CHODL: variants seen among roughly 807,000 people sequenced by gnomAD.
The protein encoded by CHODL is chondrolectin, also known as transmembrane protein MT75.
In CHODL, 29 loss-of-function variants were observed where a neutral mutation model predicts 34.5. The observed-to-expected ratio is 0.84, with a 90% confidence interval of 0.63 to 1.15. The LOEUF (loss-of-function observed/expected upper bound fraction) is 1.15. CHODL is among the 50% of genes most tolerant of loss of function. The probability of loss-of-function intolerance (pLI) is 0.00; values close to 1 mark genes in which losing one functional copy is unlikely to be tolerated. For missense variants in CHODL, 332 were observed against 332.5 expected, an observed-to-expected ratio of 1.00 and a Z score of 0.01; for synonymous variants, 125 against 116.1, an observed-to-expected ratio of 1.08 and a Z score of -0.49.
chr21:18,098,758 A>G (rs191308242), intron 2 of CHODL, among the ~76,000 whole-genome samples: 183 of 152,256 alleles, frequency 1.2e-3, no homozygotes, highest in South Asian at 6.8e-3. Flanking sequence ...CAGTATATCA[A>G]AGAGATATTT....
At chr21:18,111,791 A>G (rs969093908) in intron 2 of CHODL, among the ~76,000 whole-genome samples, 12 of 152,296 alleles carry the variant, frequency 7.9e-5, no homozygotes, top group African/African-American at 2.9e-4. Flanking sequence ...TACCATTGCT[A>G]CCAATATATC....
chr21:17,945,477 A>G (rs1198672599), intron 1 of CHODL, among the ~76,000 whole-genome samples: 1 of 152,232 alleles, frequency 6.6e-6, no homozygotes, highest in Non-Finnish European at 1.5e-5. Flanking sequence ...TATTCAATAG[A>G]AAGTTTAAAC....
At position 17,917,581 on chromosome 21, in the gene CHODL, CCAA is replaced by C. The variant is rs202057101; in HGVS notation, c.-145+182_-145+184del. Among the ~76,000 whole-genome samples, 1,211 of 150,554 alleles carry C rather than the reference CCAA, an allele frequency of 8.0e-3. 17 individuals carry two copies. Among genetic ancestry groups the C allele is most frequent in the African/African-American group, 0.028 (1,115 of 40,306 alleles). On this transcript the variant is annotated intron_variant, in intron 1 of 6. Coordinates refer to the CHODL transcript ENST00000400127. The stretch of plus-strand genomic sequence containing the variant: ...CACTTGGAAGAGATTCATGCCCTAC[CCAA>C]GGTGGGGCCATCTGTAGAGGGATGC...
intron 2 of CHODL, among the ~76,000 whole-genome samples, chr21:18,182,317 A>G (rs2073391446): frequency 6.6e-6 from 1 of 152,236 alleles, no homozygotes; most frequent in Non-Finnish European, 1.5e-5. Flanking sequence ...GTGAAGGCAG[A>G]AGTCAGGGTT....
intron 2 of CHODL, among the ~76,000 whole-genome samples, chr21:18,030,027 C>T (rs901222282): frequency 2.0e-5 from 3 of 152,100 alleles, no homozygotes; most frequent in Non-Finnish European, 4.4e-5. Flanking sequence ...CTGTGGCAGG[C>T]AGGCTCTAAC....
rs139736210 is a variant in CHODL, at chr21:18,191,469, C to G, written c.-44-65040C>G. Among the ~76,000 whole-genome samples the G allele has an allele frequency of 5.9e-3, 905 of 152,316 alleles. 6 individuals are homozygous for G. The highest frequency in any genetic ancestry group is 0.01 in the Non-Finnish European group (713 of 68,030). ...GACCTCAAGTAGCAAGAATCTTGCA[C>G]TTAAAGCTGATAATAGCCATCCTCA... On this transcript the variant is annotated intron_variant, in intron 2 of 6. Coordinates refer to the CHODL transcript ENST00000400127.
intron 1 of CHODL, among the ~76,000 whole-genome samples, chr21:17,923,897 C>A (rs73321540): frequency 0.011 from 1,673 of 152,316 alleles, 23 homozygotes; most frequent in African/African-American, 0.038. Context: ...TTTAAACAAT[C>A]ACTTACTTGA....
chr21:18,263,788 C>T (rs943857713), intron 5 of CHODL, among the ~76,000 whole-genome samples: 1 of 152,030 alleles, frequency 6.6e-6, no homozygotes, highest in African/African-American at 2.4e-5. Context: ...GACCTTACTT[C>T]ATCTTCTTCT....
chr21:18,238,466 G>T (rs2074050498), intron 2 of CHODL, among the ~76,000 whole-genome samples: 1 of 152,028 alleles, frequency 6.6e-6, no homozygotes, highest in South Asian at 2.1e-4. Context: ...AGGACAATAT[G>T]GGGAAAGTGC....
chr21:18,254,615 T>C (rs1435524549), intron 1 of CHODL, among the ~76,000 whole-genome samples: 2 of 152,106 alleles, frequency 1.3e-5, no homozygotes, highest in Non-Finnish European at 2.9e-5. Flanking sequence ...CAAGGGTGAG[T>C]GTAGACAATA....
chr21:18,106,597 A>T (rs1601011003), intron 2 of CHODL, among the ~76,000 whole-genome samples: 1 of 147,152 alleles, frequency 6.8e-6, no homozygotes, highest in Admixed American at 6.9e-5. Flanking sequence ...CTGGGTTCCC[A>T]CCATTCTCCT....
chr21:18,139,625 G>A (rs2072777648), intron 2 of CHODL, among the ~76,000 whole-genome samples: 1 of 152,028 alleles, frequency 6.6e-6, no homozygotes, highest in African/African-American at 2.4e-5. Flanking sequence ...AAATTTAAGA[G>A]CTACTCTCTG....
intron 1 of CHODL, among the ~76,000 whole-genome samples, chr21:18,016,377 G>T (rs528363492): frequency 5.3e-5 from 8 of 152,370 alleles, no homozygotes; most frequent in Admixed American, 5.2e-4. Context: ...GGTCCTGTGG[G>T]TGCGAAGAAG....
At chr21:18,039,894 T>C (rs2064354701) in intron 2 of CHODL, among the ~76,000 whole-genome samples, 1 of 151,824 alleles carries the variant, frequency 6.6e-6, no homozygotes, top group Non-Finnish European at 1.5e-5. Flanking sequence ...AAAAGGAATT[T>C]GACATTTATA....
chr21:18,245,896 G>C, intron 1 of CHODL: 1 of 1,535,332 alleles, frequency 6.5e-7, no homozygotes, highest in Non-Finnish European at 8.7e-7. Context: ...TCCAAGTTGG[G>C]GACTTCCCAG....
At chr21:17,980,669 C>T (rs984904269) in intron 1 of CHODL, among the ~76,000 whole-genome samples, 1 of 152,064 alleles carries the variant, frequency 6.6e-6, no homozygotes, top group African/African-American at 2.4e-5. Flanking sequence ...TTGGGTTTCA[C>T]GGGTACCTGG....
intron 2 of CHODL, among the ~76,000 whole-genome samples, chr21:18,052,624 T>TAAAGC (rs1402913343): frequency 6.6e-6 from 1 of 151,958 alleles, no homozygotes; most frequent in African/African-American, 2.4e-5. Flanking sequence ...ATACTAGGTT[T>TAAAGC]AAAGCAGATT....
In CHODL at chr21:18,215,607, T is replaced by C. The variant is rs370927946; in HGVS notation, c.-44-40902T>C. Among the ~76,000 whole-genome samples, 23 of 152,316 alleles carry C rather than the reference T, an allele frequency of 1.5e-4. 1 individual carries two copies. In the South Asian group the frequency reaches 4.8e-3, roughly 32 times the overall value. On this transcript the variant is annotated intron_variant, in intron 2 of 6. Transcript: ENST00000400127. ...CTGAACAGCAATCCAGATTAATGCT[T>C]TTTCTTTCAGTCTTATATTTAGCAT...
At chr21:18,124,642 A>G (rs904134194) in intron 2 of CHODL, among the ~76,000 whole-genome samples, 2 of 151,958 alleles carry the variant, frequency 1.3e-5, no homozygotes, top group Admixed American at 1.3e-4. Flanking sequence ...CAAACAAGTC[A>G]TTGACAGAAG....
Sources: allele counts gnomAD v4.1 joint callset (sites outside exome capture counted in the v4.1 genomes callset), GRCh38; gene constraint gnomAD v4.1.1; transcripts MANE v1.5; gene names NCBI Gene and HGNC (gene_info 2026-07-23, HGNC 2026-07-21).